Variants in ARHGEF18 observed in about 807,000 individuals in gnomAD.
ARHGEF18 encodes Rho/Rac guanine nucleotide exchange factor 18, also known as rho guanine nucleotide exchange factor 18.
Under a neutral mutation model 155.7 loss-of-function variants are expected in ARHGEF18, and 93 were observed. That is an observed-to-expected ratio of 0.60 (90% confidence interval 0.50 to 0.71). The LOEUF (loss-of-function observed/expected upper bound fraction) is 0.71, where lower values mean the gene tolerates loss of function less well. Ranked by LOEUF, ARHGEF18 falls within the 30% of genes least tolerant of loss-of-function variation. The pLI, the probability that ARHGEF18 is intolerant of heterozygous loss-of-function variation, is 0.00. For synonymous variants in ARHGEF18, 742 were observed against 753.1 expected, an observed-to-expected ratio of 0.99 and a Z score of 0.24; for missense variants, 1,593 against 1,816.1, an observed-to-expected ratio of 0.88 and a Z score of 2.23.
intron 10 of ARHGEF18, among the ~76,000 whole-genome samples, chr19:7,430,985 AGC>A (rs1000108022): frequency 1.3e-5 from 2 of 151,812 alleles, no homozygotes; most frequent in African/African-American, 4.8e-5. Flanking sequence ...TTTGCAACAT[AGC>A]CAGATCCCAT....
At chr19:7,446,618 G>A (rs925152944) in intron 14 of ARHGEF18, among the ~76,000 whole-genome samples, 8 of 151,910 alleles carry the variant, frequency 5.3e-5, no homozygotes, top group Non-Finnish European at 7.4e-5. Context: ...GCATGCCCCT[G>A]TAATCTCAGC....
In ARHGEF18 at chr19:7,462,973, A is replaced by G. The variant is rs947253460; in HGVS notation, c.2635+639A>G. On this transcript the variant is annotated intron_variant, in intron 21 of 28. Transcript: ENST00000668164. This position sits in a 1 kb window ranked among gnomAD's most constrained non-coding sequence, Gnocchi z 4.4. Reference sequence around the variant, plus strand: ...CTCAGCCTCCTGGGTAGCTGGGATTACAGGCACCCACCACCACGCCCAGCT... The same window carrying G: ...CTCAGCCTCCTGGGTAGCTGGGATTGCAGGCACCCACCACCACGCCCAGCT... 1.3e-5 allele frequency among the ~76,000 whole-genome samples: 2 copies of G among 151,090 alleles called. No individual in the cohort carries two copies. The highest frequency in any genetic ancestry group is 4.9e-5 in the African/African-American group (2 of 41,006).
At chr19:7,375,342 GAA>G (rs1970395581) in intron 3 of ARHGEF18, among the ~76,000 whole-genome samples, 1 of 110,040 alleles carries the variant, frequency 9.1e-6, no homozygotes, top group African/African-American at 3.8e-5. Flanking sequence ...AAGGAAGAAA[GAA>G]AAAGAAAGAA....
At chr19:7,360,757 C>A (rs1489218032) in intron 1 of ARHGEF18, among the ~76,000 whole-genome samples, 1 of 152,208 alleles carries the variant, frequency 6.6e-6, no homozygotes, top group Non-Finnish European at 1.5e-5. Context: ...CAGGACCCTC[C>A]CCCACATCTG....
chr19:7,430,560 T>C (rs879637796), intron 10 of ARHGEF18, among the ~76,000 whole-genome samples: 1 of 152,058 alleles, frequency 6.6e-6, no homozygotes, highest in Non-Finnish European at 1.5e-5. Context: ...TCGCAGCACT[T>C]TGGGAGGCTG....
At chr19:7,467,841 A>G (rs1309434270) in intron 26 of ARHGEF18, among the ~76,000 whole-genome samples, 157 bp downstream of exon 26, 1 of 152,242 alleles carries the variant, frequency 6.6e-6, no homozygotes, top group Non-Finnish European at 1.5e-5. Context: ...CTCATGCCGC[A>G]GTACAGACCT....
chr19:7,450,635 C>A (rs1975346870), intron 15 of ARHGEF18, among the ~76,000 whole-genome samples: 1 of 97,170 alleles, frequency 1.0e-5, no homozygotes, highest in Non-Finnish European at 2.2e-5. Flanking sequence ...TTTCCATTTC[C>A]AAGATGTTAA....
At chr19:7,442,563 G>A (rs1974730713) in intron 13 of ARHGEF18, among the ~76,000 whole-genome samples, 1 of 138,564 alleles carries the variant, frequency 7.2e-6, no homozygotes, top group Non-Finnish European at 1.6e-5. Context: ...TCCTCTCTTG[G>A]TGCAGCCCTG....
At chr19:7,351,464 C>T (rs1384363797) in intron 1 of ARHGEF18, among the ~76,000 whole-genome samples, 6 of 148,742 alleles carry the variant, frequency 4.0e-5, no homozygotes, top group Non-Finnish European at 7.4e-5. Flanking sequence ...GCTGGGACTA[C>T]AGGCGCCCGC....
chr19:7,400,486 G>T lies in ARHGEF18; in HGVS notation c.967+17283G>T, dbSNP rs148335155. ...CATTCTTATGGGTGGGTTTCAGGAG[G>T]AGAGAAAGTGAAAAGAGGGAGTTGG... On this transcript the variant is annotated intron_variant, in intron 10 of 28. Coordinates refer to ENST00000668164, the MANE Select transcript of ARHGEF18 (RefSeq NM_001367823.1). Among the ~76,000 whole-genome samples the T allele has an allele frequency of 3.4e-3, 522 of 152,196 alleles. 1 individual carries two copies. Among genetic ancestry groups the T allele is most frequent in the African/African-American group, 0.012 (496 of 41,526 alleles).
In ARHGEF18 at chr19:7,441,917, T is replaced by G. The variant is rs759919741; in HGVS notation, c.1225T>G (p.Tyr409Asp). The G allele has an allele frequency of 8.7e-6, 14 of 1,613,926 alleles. No individual in the cohort carries two copies. The African/African-American group carries it at 1.9e-4, about 22-fold the overall frequency. Reference sequence around the variant, plus strand: ...ACACCTCGCTCTTCCCTCAGATCCCTACACCGCCTCGCTGAGGAGTGAGAT... The same window carrying G: ...ACACCTCGCTCTTCCCTCAGATCCCGACACCGCCTCGCTGAGGAGTGAGAT... Reference protein sequence around the residue: ...NTESIFVEDPYTASLRSEIES... With the variant: ...NTESIFVEDPDTASLRSEIES... The change falls in exon 13 of 29, where the codon TAC (tyrosine) becomes GAC (aspartate). Residue 409 changes from tyrosine (Y) to aspartate (D), a missense_variant. Physicochemically the swap from Tyr to Asp is radical, Grantham distance 160. Transcript: ENST00000668164.
chr19:7,391,726 C>A (rs1291266629), intron 10 of ARHGEF18, among the ~76,000 whole-genome samples: 1 of 152,078 alleles, frequency 6.6e-6, no homozygotes, highest in Non-Finnish European at 1.5e-5. Flanking sequence ...AAGGAAACAT[C>A]TGGAGGCATT....
downstream of ARHGEF18, chr19:7,476,961 A>G (rs1319209174): frequency 4.8e-6 from 2 of 412,816 alleles, no homozygotes; most frequent in Non-Finnish European, 8.5e-6. Flanking sequence ...TTTGGATACA[A>G]GACGCCAGCT....
downstream of ARHGEF18, among the ~76,000 whole-genome samples, chr19:7,476,009 C>T (rs1166251081): frequency 6.6e-6 from 1 of 152,222 alleles, no homozygotes; most frequent in African/African-American, 2.4e-5. Context: ...TCCCCGGCCT[C>T]CCAGCTGCTC....
intron 10 of ARHGEF18, among the ~76,000 whole-genome samples, chr19:7,389,010 G>C (rs1233085585): frequency 6.6e-6 from 1 of 151,948 alleles, no homozygotes; most frequent in Non-Finnish European, 1.5e-5. Context: ...TTTTGAGACA[G>C]AGTCTCACTC....
At chr19:7,454,795 C>T (rs1975724506) in intron 17 of ARHGEF18, among the ~76,000 whole-genome samples, 1 of 152,118 alleles carries the variant, frequency 6.6e-6, no homozygotes, top group Non-Finnish European at 1.5e-5. Flanking sequence ...ATCGAGACAC[C>T]CCAGGTTTGG....
At chr19:7,363,603 G>A (rs143805419) in intron 2 of ARHGEF18, among the ~76,000 whole-genome samples, 1 of 151,756 alleles carries the variant, frequency 6.6e-6, no homozygotes, top group Non-Finnish European at 1.5e-5. Context: ...AAGGAAGGAA[G>A]ATGGATGGAT....
chr19:7,467,438 C>G lies in ARHGEF18; in HGVS notation c.3234C>G (p.His1078Gln). 6.5e-7 allele frequency: 1 copy of G among 1,530,974 alleles called. No individual in the cohort carries two copies. Among genetic ancestry groups the G allele is most frequent in the Non-Finnish European group, 8.7e-7 (1 of 1,144,932 alleles). The allele number at this position is 1,530,974 out of a possible 1,614,324, so 94.8% of individuals were successfully genotyped here. Residue 1078 changes from histidine (H) to glutamine (Q), a missense_variant, in exon 26 of 29, where the codon CAC (histidine) becomes CAG (glutamine). Transcript: ENST00000668164. ...QRWERERQWQ[H>Q]QELERAGARL... Reference sequence around the variant, plus strand: ...GGGAGCGCGAGCGCCAGTGGCAGCACCAGGAGCTGGAGCGTGCGGGCGCGC... The same window carrying G: ...GGGAGCGCGAGCGCCAGTGGCAGCAGCAGGAGCTGGAGCGTGCGGGCGCGC...
At chr19:7,423,808 C>T (rs968171185) in intron 10 of ARHGEF18, among the ~76,000 whole-genome samples, 4 of 151,540 alleles carry the variant, frequency 2.6e-5, no homozygotes, top group African/African-American at 9.7e-5. Flanking sequence ...TATCAAGATA[C>T]CCCTAATTCT....
Sources: allele counts gnomAD v4.1 joint callset (sites outside exome capture counted in the v4.1 genomes callset), GRCh38; gene constraint gnomAD v4.1.1; non-coding constraint Gnocchi (gnomAD v3.1); transcripts MANE v1.5; gene names NCBI Gene and HGNC (gene_info 2026-07-23, HGNC 2026-07-21).